EVC2: variants seen among roughly 807,000 people sequenced by gnomAD.
EVC2 encodes limbin.
In EVC2, 148 loss-of-function variants were observed where a neutral mutation model predicts 149.3. The ratio of observed to expected loss-of-function variants is 0.99; its 90% CI spans 0.87 to 1.14. The LOEUF (loss-of-function observed/expected upper bound fraction) is 1.14, where lower values mean the gene tolerates loss of function less well. Ranked by LOEUF, EVC2 falls within the 50% of genes most tolerant of loss-of-function variation. EVC2 has a pLI of 0.00. For synonymous variants in EVC2, 776 were observed against 649.9 expected, an observed-to-expected ratio of 1.19 and a Z score of -2.95; for missense variants, 1,854 against 1,627.3, an observed-to-expected ratio of 1.14 and a Z score of -2.40.
chr4:5,605,526 G>A (rs1385390838), intron 16 of EVC2, among the ~76,000 whole-genome samples: 2 of 151,914 alleles, frequency 1.3e-5, no homozygotes, highest in African/African-American at 4.9e-5. Context: ...ATAGATAGAT[G>A]TGGACAGACA....
rs1195189002 is a variant in EVC2, at chr4:5,679,163, T to A, written c.870+2097A>T. The stretch of plus-strand genomic sequence containing the variant: ...GGCCAGTCAGTGAGTGAGTGGTGAG[T>A]GAATGTGAAGGCGTAGGGTATGACT... On this transcript the variant is annotated intron_variant, in intron 7 of 21. Coordinates refer to ENST00000344408, the MANE Select transcript of EVC2 (RefSeq NM_147127.5). The surrounding 1 kb of genome is among the most constrained non-coding windows in gnomAD (Gnocchi z 5.1). Among the ~76,000 whole-genome samples the A allele has an allele frequency of 6.6e-6, 1 of 151,756 alleles. No individual in the cohort carries two copies. The highest frequency in any genetic ancestry group is 1.5e-5 in the Non-Finnish European group (1 of 67,942).
chr4:5,584,896 G>C (rs777525335), intron 16 of EVC2, 46 bp from the exon 17 acceptor site: 34 of 1,590,976 alleles, frequency 2.1e-5, no homozygotes, highest in Non-Finnish European at 2.8e-5. Context: ...GCAGTGAGTA[G>C]AGGAGGGTGG....
intron 7 of EVC2, 59 bp downstream of exon 7, chr4:5,681,201 C>G: frequency 6.3e-7 from 1 of 1,594,496 alleles, no homozygotes; most frequent in East Asian, 2.2e-5. Context: ...CAAGGACAGG[C>G]AGGACCCACA....
chr4:5,681,862 A>G (rs1453764343), intron 6 of EVC2, among the ~76,000 whole-genome samples: 1 of 152,158 alleles, frequency 6.6e-6, no homozygotes, highest in African/African-American at 2.4e-5. Flanking sequence ...GACAAGACCC[A>G]CCGTGAGAAC....
At chr4:5,646,597 A>T (rs566741809) in intron 9 of EVC2, among the ~76,000 whole-genome samples, 1 of 152,208 alleles carries the variant, frequency 6.6e-6, no homozygotes, top group African/African-American at 2.4e-5. Context: ...AGAGATGTAT[A>T]ATTATTTCTC....
At chr4:5,533,857 G>C in the EVC2 span, among the ~76,000 whole-genome samples, 1 of 152,204 alleles carries the variant, frequency 6.6e-6, no homozygotes, top group Non-Finnish European at 1.5e-5. Flanking sequence ...GAAATACACA[G>C]AGAGCAGAGT....
At position 5,665,644 on chromosome 4, in the gene EVC2, C is replaced by CGG; in HGVS notation, c.875_876insCC (p.Pro293ArgfsTer21). ...CTGCTGCGTGGAGGCCGTGGTGCGG[C>CGG]AGAACCTGTGGAGACAAGAGGAGAG... On this transcript the variant is annotated frameshift_variant, in exon 8 of 22. Coordinates refer to ENST00000344408, the MANE Select transcript of EVC2 (RefSeq NM_147127.5). LOFTEE classifies it high-confidence loss of function. The CGG allele has an allele frequency of 3.7e-6, 6 of 1,614,172 alleles. No homozygotes were observed. In the South Asian group the frequency reaches 5.5e-5, roughly 15 times the overall value.
In EVC2 at chr4:5,587,396, C is replaced by T. The variant is rs541103529; in HGVS notation, c.2830-2546G>A. ...TTTGTGTCTGGCTTCTTTTACTTCG[C>T]ATAATGTTTTCAAAGTTCATCTACT... On this transcript the variant is annotated intron_variant, in intron 16 of 21. Transcript: ENST00000344408. Among the ~76,000 whole-genome samples the T allele has an allele frequency of 1.2e-3, 190 of 152,332 alleles. No individual in the cohort carries two copies. The Middle Eastern group carries it at 0.014, about 11-fold the overall frequency.
intron 16 of EVC2, among the ~76,000 whole-genome samples, chr4:5,598,677 A>G (rs1713685529): frequency 6.6e-6 from 1 of 152,166 alleles, no homozygotes; most frequent in Non-Finnish European, 1.5e-5. Flanking sequence ...TTCATGTCTA[A>G]AACACCAAAA....
At chr4:5,690,558 C>T (rs1287303998) in intron 4 of EVC2, among the ~76,000 whole-genome samples, 1 of 152,200 alleles carries the variant, frequency 6.6e-6, no homozygotes, top group African/African-American at 2.4e-5. Flanking sequence ...CATGGGTGCT[C>T]CATGCCTATG....
rs1243487055 is a variant in EVC2 at position 5,696,500 on chromosome 4, C to T, written c.283+1093G>A. Among the ~76,000 whole-genome samples, 1 of 152,194 alleles carries T rather than the reference C, an allele frequency of 6.6e-6. No homozygotes were observed. Among genetic ancestry groups the T allele is most frequent in the Non-Finnish European group, 1.5e-5 (1 of 68,048 alleles). Reference sequence around the variant, plus strand: ...ACAGGCCGGGGACCCACGCTGAGCCCAGGGGCCTGCACTGGAACTGTCACA... The same window carrying T: ...ACAGGCCGGGGACCCACGCTGAGCCTAGGGGCCTGCACTGGAACTGTCACA... On this transcript the variant is annotated intron_variant, in intron 2 of 21. Transcript: ENST00000344408. The surrounding 1 kb of genome is among the most constrained non-coding windows in gnomAD (Gnocchi z 4.1).
In EVC2 at chr4:5,579,467, G is replaced by A. The variant is rs78791340; in HGVS notation, c.3058-3013C>T. 1.5e-3 allele frequency among the ~76,000 whole-genome samples: 229 copies of A among 152,304 alleles called. 1 individual carries two copies. In the East Asian group the frequency reaches 0.025, roughly 17 times the overall value. ...CATCAGACTAGTGAAGCTGGGCAGC[G>A]AAAGGTGGAAAGCAGAAAGCTCAGG... On this transcript the variant is annotated intron_variant, in intron 17 of 21. Transcript: ENST00000344408.
chr4:5,596,663 C>G (rs1400122844), intron 16 of EVC2, among the ~76,000 whole-genome samples: 6 of 151,952 alleles, frequency 3.9e-5, no homozygotes, highest in Non-Finnish European at 5.9e-5. Context: ...AAAAGAACTA[C>G]AGAAGTAAGA....
rs994689811 is a variant in EVC2, at chr4:5,637,898, A to T, written c.1470+2616T>A. ...AAGGGGCCATATTTTAGAGTTTGTCACCTGAGGTCTCTGTTATGTATTCTT... is the reference window on the plus strand; with the variant it reads ...AAGGGGCCATATTTTAGAGTTTGTCTCCTGAGGTCTCTGTTATGTATTCTT... On this transcript the variant is annotated intron_variant, in intron 10 of 21. Coordinates refer to ENST00000344408, the MANE Select transcript of EVC2 (RefSeq NM_147127.5). This position sits in a 1 kb window ranked among gnomAD's most constrained non-coding sequence, Gnocchi z 4.4. Among the ~76,000 whole-genome samples the T allele has an allele frequency of 6.6e-6, 1 of 150,802 alleles. No individual in the cohort carries two copies. The highest frequency in any genetic ancestry group is 1.5e-5 in the Non-Finnish European group (1 of 67,868).
At chr4:5,666,717 T>C (rs73065643) in intron 7 of EVC2, among the ~76,000 whole-genome samples, 56 of 152,352 alleles carry the variant, frequency 3.7e-4, no homozygotes, top group African/African-American at 1.2e-3. Context: ...CTGCCTTCTA[T>C]ATTGTCACAG....
At chr4:5,561,669 G>GT (rs1490013120), downstream of EVC2, among the ~76,000 whole-genome samples, 17 of 152,246 alleles carry the variant, frequency 1.1e-4, no homozygotes, top group African/African-American at 3.8e-4. Context: ...GAAGACTCAG[G>GT]TTCAAATTGA....
chr4:5,596,717 A>G (rs1713453441), intron 16 of EVC2, among the ~76,000 whole-genome samples: 1 of 152,234 alleles, frequency 6.6e-6, no homozygotes, highest in Non-Finnish European at 1.5e-5. Context: ...AGTAACTAAA[A>G]TCAGAGCAGA....
In EVC2 at chr4:5,584,733, A is replaced by G. The variant is rs758946503; in HGVS notation, c.2947T>C (p.Ser983Pro). 2 of 1,613,990 alleles carry G rather than the reference A, an allele frequency of 1.2e-6. No individual in the cohort carries two copies. The highest frequency in any genetic ancestry group is 2.7e-5 in the African/African-American group (2 of 74,908). Residue 983 changes from serine to proline, a missense_variant, in exon 17 of 22, where the codon TCG becomes CCG. By Grantham distance (74) the Ser-to-Pro change is moderately conservative (BLOSUM62 -1). Coordinates refer to ENST00000344408, the MANE Select transcript of EVC2 (RefSeq NM_147127.5). Reference protein sequence around the residue: ...QKASRVTETLSAYTALLSIQD... With the variant: ...QKASRVTETLPAYTALLSIQD... ...ATGCTGAGGAGGGCGGTGTAGGCCG[A>G]CAGAGTCTCGGTCACCCGGGACGCC... is the stretch of plus-strand genomic sequence containing the variant.
chr4:5,687,749 C>A (rs1466581142), intron 5 of EVC2, among the ~76,000 whole-genome samples: 1 of 152,088 alleles, frequency 6.6e-6, no homozygotes, highest in Non-Finnish European at 1.5e-5. Context: ...CTGGGTCTCG[C>A]AGGAGCATGG....
Sources: allele counts gnomAD v4.1 joint callset (sites outside exome capture counted in the v4.1 genomes callset), GRCh38; gene constraint gnomAD v4.1.1; non-coding constraint Gnocchi (gnomAD v3.1); transcripts MANE v1.5; gene names NCBI Gene and HGNC (gene_info 2026-07-23, HGNC 2026-07-21).